TRAM2: variants seen among roughly 807,000 people sequenced by gnomAD.
TRAM2 encodes translocation associated membrane protein 2, also known as translocating chain-associated membrane protein 2.
TRAM2 carries 12 observed loss-of-function variants against 51.0 expected under a neutral mutation model. The ratio of observed to expected loss-of-function variants is 0.24; its 90% CI spans 0.15 to 0.38. The LOEUF (loss-of-function observed/expected upper bound fraction) is 0.38. Among genes scored for constraint, TRAM2 ranks in the 10% least tolerant of loss-of-function variants. The probability of loss-of-function intolerance (pLI) is 1.00; values close to 1 mark genes in which losing one functional copy is unlikely to be tolerated. For missense variants in TRAM2, 361 were observed against 462.0 expected (o/e 0.78, Z 2.00); for synonymous variants, 175 against 179.4 (o/e 0.98, Z 0.20).
intron 5 of TRAM2, among the ~76,000 whole-genome samples, chr6:52,508,585 G>C (rs1224496834): frequency 2.0e-5 from 3 of 152,250 alleles, no homozygotes; most frequent in African/African-American, 7.2e-5. Flanking sequence ...ATAGTGCAGA[G>C]GAGGAGGAAT....
intron 6 of TRAM2, 33 bp downstream of exon 6, chr6:52,508,201 G>A (rs767469928): frequency 2.5e-6 from 4 of 1,602,260 alleles, no homozygotes; most frequent in South Asian, 2.2e-5. Flanking sequence ...GTCAATGAAT[G>A]GCCTCCAAGA....
At chr6:52,567,910 A>G (rs17595059) in intron 1 of TRAM2, among the ~76,000 whole-genome samples, 30,859 of 152,218 alleles carry the variant, frequency 0.2, 4,097 homozygotes, top group Non-Finnish European at 0.29. Context: ...TTGCCTAGCT[A>G]CTACTCCTAA....
chr6:52,539,089 T>C (rs1396908129), intron 1 of TRAM2, among the ~76,000 whole-genome samples: 1 of 152,220 alleles, frequency 6.6e-6, no homozygotes, highest in African/African-American at 2.4e-5. Context: ...TAACCACATA[T>C]GCTATCTCCA....
At chr6:52,508,724 T>C (rs1039687169) in intron 5 of TRAM2, among the ~76,000 whole-genome samples, 1 of 152,136 alleles carries the variant, frequency 6.6e-6, no homozygotes, top group African/African-American at 2.4e-5. Context: ...CCTTTGCTAT[T>C]ATTGCTCTTA....
chr6:52,556,002 C>T (rs370247490), intron 1 of TRAM2, among the ~76,000 whole-genome samples: 6 of 152,098 alleles, frequency 3.9e-5, no homozygotes, highest in Non-Finnish European at 5.9e-5. Context: ...GGTTAGGTCA[C>T]GCCTCAGTAT....
chr6:52,569,674 T>A (rs563429817), intron 1 of TRAM2, among the ~76,000 whole-genome samples: 1 of 152,080 alleles, frequency 6.6e-6, no homozygotes, highest in East Asian at 1.9e-4. Context: ...GCCACTCACA[T>A]CAAGTTTAAG....
At chr6:52,515,894 G>C (rs1766539079) in intron 4 of TRAM2, 112 bp downstream of exon 4, 1 of 898,440 alleles carries the variant, frequency 1.1e-6, no homozygotes, top group Non-Finnish European at 1.8e-6. Context: ...CCCCTTAACA[G>C]AAAAAGAAAA....
chr6:52,537,970 CCA>C (rs1221724311), intron 1 of TRAM2, among the ~76,000 whole-genome samples: 2 of 152,216 alleles, frequency 1.3e-5, no homozygotes, highest in African/African-American at 4.8e-5. Flanking sequence ...TCCAGCTCTG[CCA>C]CAGAGCCCCT....
chr6:52,523,152 T>G (rs965153626), intron 2 of TRAM2: 1 of 411,612 alleles, frequency 2.4e-6, no homozygotes, highest in African/African-American at 2.0e-5. Context: ...AAAATTTTCT[T>G]CTATTGGTTG....
chr6:52,516,885 G>T, intron 2 of TRAM2, 148 bp from the exon 3 acceptor site: 1 of 644,790 alleles, frequency 1.6e-6, no homozygotes, highest in South Asian at 1.9e-5. Flanking sequence ...TTCTGCCCCA[G>T]AATCCTGCCC....
chr6:52,517,886 G>A (rs1394567019), intron 2 of TRAM2, among the ~76,000 whole-genome samples: 2 of 152,222 alleles, frequency 1.3e-5, no homozygotes, highest in Admixed American at 1.3e-4. Context: ...AGAATGTAAC[G>A]GTGGGCAGTG....
chr6:52,526,187 ACACACACACACACACACACACG>A, intron 2 of TRAM2, among the ~76,000 whole-genome samples: 2 of 123,238 alleles, frequency 1.6e-5, no homozygotes, highest in South Asian at 4.9e-4. Flanking sequence ...ACACACACAC[ACACACACACACACACACACACG>A]CCAGAGAATT....
intron 1 of TRAM2, among the ~76,000 whole-genome samples, chr6:52,568,148 C>T (rs1313392124): frequency 6.6e-6 from 1 of 152,214 alleles, no homozygotes; most frequent in Non-Finnish European, 1.5e-5. Context: ...CCCCTGTCCT[C>T]GCCCCTTTCA....
intron 2 of TRAM2, among the ~76,000 whole-genome samples, chr6:52,521,180 G>A (rs1766666103): frequency 6.6e-6 from 1 of 151,872 alleles, no homozygotes; most frequent in Admixed American, 6.6e-5. Context: ...AAAGTGCTGG[G>A]ATTACAGGTG....
chr6:52,508,711 C>T (rs1199842200), intron 5 of TRAM2, among the ~76,000 whole-genome samples: 1 of 152,204 alleles, frequency 6.6e-6, no homozygotes, highest in Non-Finnish European at 1.5e-5. Flanking sequence ...CTCAGCCCTA[C>T]ATCCTTTGCT....
At chr6:52,515,931 T>A in intron 4 of TRAM2, 75 bp downstream of exon 4, 1 of 1,304,728 alleles carries the variant, frequency 7.7e-7, no homozygotes, top group Non-Finnish European at 1.1e-6. Context: ...TGCAGTCATT[T>A]GATTAGCAAT....
chr6:52,531,406 AAGAC>A (rs1378538853), intron 2 of TRAM2, among the ~76,000 whole-genome samples: 2 of 152,258 alleles, frequency 1.3e-5, no homozygotes, highest in Non-Finnish European at 2.9e-5. Context: ...ATTTAAATAA[AAGAC>A]AGGCTACTTA....
chr6:52,512,036 C>T (rs75894097), intron 4 of TRAM2, among the ~76,000 whole-genome samples: 16,175 of 152,212 alleles, frequency 0.11, 1,534 homozygotes, highest in East Asian at 0.52. Flanking sequence ...GTCGGGCATA[C>T]GCCTGCCTTC....
intron 4 of TRAM2, among the ~76,000 whole-genome samples, chr6:52,511,725 C>T (rs185611568): frequency 5.8e-4 from 88 of 152,304 alleles, no homozygotes; most frequent in African/African-American, 1.1e-3. Flanking sequence ...GTATAGTCCA[C>T]GGCCCTAATC....
Sources: gnomAD v4.1 joint callset for allele counts (sites outside exome capture counted in the v4.1 genomes callset) on GRCh38, gnomAD v4.1.1 for gene constraint, MANE v1.5 for transcripts, NCBI Gene and HGNC (gene_info 2026-07-23, HGNC 2026-07-21) for gene names.